PDE1A: variants seen among roughly 807,000 people sequenced by gnomAD.
PDE1A encodes dual specificity calcium/calmodulin-dependent 3',5'-cyclic nucleotide phosphodiesterase 1A.
Under a neutral mutation model 61.7 loss-of-function variants are expected in PDE1A, and 35 were observed. The ratio of observed to expected loss-of-function variants is 0.57; its 90% CI spans 0.43 to 0.75. The LOEUF is 0.75. PDE1A is among the 30% of genes least tolerant of loss of function. The probability of loss-of-function intolerance (pLI) is 0.00; values close to 1 mark genes in which losing one functional copy is unlikely to be tolerated. For missense variants in PDE1A, 597 were observed against 630.6 expected (o/e 0.95, Z 0.57); for synonymous variants, 232 against 213.2 (o/e 1.09, Z -0.77).
intron 1 of PDE1A, among the ~76,000 whole-genome samples, chr2:182,372,039 GT>G (rs1415271828): frequency 6.6e-6 from 1 of 152,122 alleles, no homozygotes; most frequent in Non-Finnish European, 1.5e-5. Context: ...CAAGCAATGC[GT>G]CCACCTCAGC....
intron 1 of PDE1A, among the ~76,000 whole-genome samples, chr2:182,350,629 T>C (rs1698818612): frequency 6.6e-6 from 1 of 152,202 alleles, no homozygotes; most frequent in Non-Finnish European, 1.5e-5. Flanking sequence ...TTTTAATTGC[T>C]ATATAATTAT....
the PDE1A span, among the ~76,000 whole-genome samples, chr2:182,668,552 T>C: frequency 6.6e-6 from 1 of 151,988 alleles, no homozygotes; most frequent in African/African-American, 2.4e-5. Context: ...GATGTCAGGT[T>C]TGAGCCCAAA....
chr2:182,459,331 C>A (rs1686124948), intron 2 of PDE1A, among the ~76,000 whole-genome samples: 1 of 152,184 alleles, frequency 6.6e-6, no homozygotes, highest in Admixed American at 6.6e-5. Context: ...TTATAAGCCT[C>A]CCCCTTGAGA....
At chr2:182,199,170 T>C (rs941056954) in intron 10 of PDE1A, among the ~76,000 whole-genome samples, 11 of 152,006 alleles carry the variant, frequency 7.2e-5, no homozygotes, top group African/African-American at 2.2e-4. Flanking sequence ...TTTTGATGAA[T>C]ACAGGCTCTA....
chr2:182,661,992 T>A, the PDE1A span, among the ~76,000 whole-genome samples: 1 of 151,972 alleles, frequency 6.6e-6, no homozygotes, highest in Non-Finnish European at 1.5e-5. Flanking sequence ...GACCAGCTGA[T>A]TCTAAAATTT....
rs184244444 is a variant in PDE1A, at chr2:182,484,489, G to C, written c.101+37787C>G. Among the ~76,000 whole-genome samples the C allele has an allele frequency of 5.3e-5, 8 of 151,974 alleles. No individual in the cohort carries two copies. In the East Asian group the frequency reaches 1.5e-3, roughly 29 times the overall value. On this transcript the variant is annotated intron_variant, in intron 2 of 14. Transcript: ENST00000410103. Reference sequence around the variant, plus strand: ...CATGATAAAGATACCAAAAGCAATCGCAACAAAACAAAAATTGACAAGTGG... The same window carrying C: ...CATGATAAAGATACCAAAAGCAATCCCAACAAAACAAAAATTGACAAGTGG...
At chr2:182,218,433 A>C (rs1688425130) in intron 7 of PDE1A, among the ~76,000 whole-genome samples, 1 of 149,586 alleles carries the variant, frequency 6.7e-6, no homozygotes, top group Non-Finnish European at 1.5e-5. Flanking sequence ...AAATTAAAAA[A>C]ACAAGAAAAA....
the PDE1A span, among the ~76,000 whole-genome samples, chr2:182,714,304 A>C: frequency 1.3e-5 from 2 of 152,088 alleles, no homozygotes; most frequent in South Asian, 2.1e-4. Context: ...CCACAACTTT[A>C]CTTATTCTGC....
the PDE1A span, among the ~76,000 whole-genome samples, chr2:182,546,765 T>C: frequency 2.0e-5 from 3 of 152,198 alleles, no homozygotes; most frequent in Admixed American, 1.3e-4. Context: ...CAAGAAAGGA[T>C]TCACCTAAAT....
chr2:182,414,735 A>C (rs1281684657), intron 1 of PDE1A, among the ~76,000 whole-genome samples: 1 of 152,166 alleles, frequency 6.6e-6, no homozygotes, highest in East Asian at 1.9e-4. Flanking sequence ...TGCTTCCATT[A>C]AATGGATGAG....
chr2:182,468,201 G>A (rs950760375), intron 2 of PDE1A, among the ~76,000 whole-genome samples: 1 of 151,926 alleles, frequency 6.6e-6, no homozygotes, highest in Admixed American at 6.6e-5. Context: ...AGGTATCTCC[G>A]TAGCATGTGA....
At chr2:182,457,400 T>A (rs1685996008) in intron 2 of PDE1A, among the ~76,000 whole-genome samples, 1 of 152,034 alleles carries the variant, frequency 6.6e-6, no homozygotes, top group Admixed American at 6.6e-5. Flanking sequence ...TAAGCAAGAT[T>A]TCTTCAGCCA....
intron 1 of PDE1A, among the ~76,000 whole-genome samples, chr2:182,323,428 A>C (rs1696828876): frequency 6.6e-6 from 1 of 152,194 alleles, no homozygotes. Context: ...AACTATAATA[A>C]GGAATGTTTT....
intron 2 of PDE1A, among the ~76,000 whole-genome samples, chr2:182,450,556 T>A (rs1176124437): frequency 6.7e-6 from 1 of 148,444 alleles, no homozygotes. Flanking sequence ...AATGTTTTCA[T>A]AAAAAAAAAA....
intron 2 of PDE1A, among the ~76,000 whole-genome samples, chr2:182,508,957 CCCCTA>C (rs1210451512): frequency 6.9e-6 from 1 of 144,618 alleles, no homozygotes; most frequent in Non-Finnish European, 1.5e-5. Flanking sequence ...CTATCCCTCC[CCCCTA>C]CCCCCAGCCC....
chr2:182,665,465 A>T, the PDE1A span, among the ~76,000 whole-genome samples: 2 of 152,212 alleles, frequency 1.3e-5, no homozygotes, highest in Non-Finnish European at 2.9e-5. Context: ...ATATGAAAAA[A>T]AATTTGACAT....
chr2:182,187,861 C>A (rs529469765), intron 11 of PDE1A, among the ~76,000 whole-genome samples: 1 of 150,076 alleles, frequency 6.7e-6, no homozygotes, highest in Non-Finnish European at 1.5e-5. Context: ...TCTCATGCCT[C>A]GGCCTCCCGA....
intron 1 of PDE1A, among the ~76,000 whole-genome samples, chr2:182,387,870 A>G (rs56730309): frequency 0.29 from 44,799 of 152,084 alleles, 6,788 homozygotes; most frequent in East Asian, 0.43. Context: ...AATGTATTAA[A>G]TTCTCCAATA....
At chr2:182,698,570 T>C in the PDE1A span, among the ~76,000 whole-genome samples, 1 of 152,240 alleles carries the variant, frequency 6.6e-6, no homozygotes, top group Non-Finnish European at 1.5e-5. Context: ...ATATTTGTTA[T>C]GATTTTGAAT....
Sources: allele counts gnomAD v4.1 joint callset (sites outside exome capture counted in the v4.1 genomes callset), GRCh38; gene constraint gnomAD v4.1.1; transcripts MANE v1.5; gene names NCBI Gene and HGNC (gene_info 2026-07-23, HGNC 2026-07-21).